ADGRV1: variants seen among roughly 807,000 people sequenced by gnomAD.
ADGRV1 encodes adhesion G protein-coupled receptor V1, also known as G-protein coupled receptor 98.
A neutral mutation model predicts 596.2 loss-of-function variants in ADGRV1; 359 were observed. That is an observed-to-expected ratio of 0.60 (90% CI 0.55 to 0.66). The LOEUF (loss-of-function observed/expected upper bound fraction) is 0.66. Among genes scored for constraint, ADGRV1 ranks in the 30% least tolerant of loss-of-function variants. ADGRV1 has a pLI of 0.00. For synonymous variants in ADGRV1, 2,681 were observed against 2,679.2 expected (o/e 1.00, Z -0.02); for missense variants, 7,274 against 7,575.6 (o/e 0.96, Z 1.48).
chr5:90,659,820 C>T (rs926934902), intron 21 of ADGRV1, among the ~76,000 whole-genome samples: 12 of 152,076 alleles, frequency 7.9e-5, no homozygotes, highest in Non-Finnish European at 1.5e-5. Context: ...ATCATGAGGT[C>T]AGAAGATCGA....
chr5:91,064,389 A>G (rs1285778376), intron 85 of ADGRV1, among the ~76,000 whole-genome samples: 2 of 152,220 alleles, frequency 1.3e-5, no homozygotes, highest in Non-Finnish European at 2.9e-5. Flanking sequence ...CCATATATAC[A>G]TAACAATAAT....
chr5:90,868,532 A>G (rs1768352716), intron 83 of ADGRV1, among the ~76,000 whole-genome samples: 1 of 152,108 alleles, frequency 6.6e-6, no homozygotes, highest in Non-Finnish European at 1.5e-5. Flanking sequence ...TGTTTTGGAC[A>G]TAAAATAAAC....
chr5:90,668,179 C>T (rs1157960845), intron 21 of ADGRV1, among the ~76,000 whole-genome samples: 1 of 151,868 alleles, frequency 6.6e-6, no homozygotes, highest in Non-Finnish European at 1.5e-5. Context: ...CTAAGCAAGC[C>T]TGGGCAATGG....
At chr5:90,939,553 T>C (rs1435161427) in intron 83 of ADGRV1, among the ~76,000 whole-genome samples, 1 of 152,154 alleles carries the variant, frequency 6.6e-6, no homozygotes, top group Non-Finnish European at 1.5e-5. Flanking sequence ...TTACTGTAAA[T>C]AAAATGCTCT....
chr5:91,014,038 GCTCT>G (rs796447035), intron 85 of ADGRV1, among the ~76,000 whole-genome samples: 34 of 151,492 alleles, frequency 2.2e-4, no homozygotes, highest in African/African-American at 7.0e-4. Flanking sequence ...TTATTTCTGG[GCTCT>G]CTATTTTGTT....
In ADGRV1 at chr5:90,795,845, T is replaced by C. The variant is rs552112175; in HGVS notation, c.14517+4499T>C. Reference sequence around the variant, plus strand: ...TGTTCTGCAGCCTCTGCTGGTGATATCCAGGCAAACAGGGTCTGGAGTGGA... The same window carrying C: ...TGTTCTGCAGCCTCTGCTGGTGATACCCAGGCAAACAGGGTCTGGAGTGGA... On this transcript the variant is annotated intron_variant, in intron 70 of 89. Transcript: ENST00000405460. Among the ~76,000 whole-genome samples the C allele has an allele frequency of 1.8e-3, 268 of 152,238 alleles. 1 individual carries two copies. Among genetic ancestry groups the C allele is most frequent in the African/African-American group, 6.2e-3 (256 of 41,558 alleles).
intron 74 of ADGRV1, among the ~76,000 whole-genome samples, chr5:90,813,529 G>A (rs1164988969): frequency 2.0e-5 from 3 of 152,118 alleles, no homozygotes; most frequent in African/African-American, 7.2e-5. Context: ...CAGGCAAATG[G>A]TAACTCAGCT....
intron 5 of ADGRV1, 30 bp downstream of exon 5, chr5:90,622,731 A>C: frequency 1.0e-6 from 1 of 975,120 alleles, no homozygotes; most frequent in South Asian, 2.1e-5. Context: ...ATTTTATTTT[A>C]TTTATTTTTA....
Position 90,558,833 on chromosome 5 carries a change from A to T in ADGRV1, c.-63A>T. 3 of 1,522,352 alleles carry T rather than the reference A, an allele frequency of 2.0e-6. No individual in the cohort carries two copies. The highest frequency in any genetic ancestry group is 2.7e-6 in the Non-Finnish European group (3 of 1,118,826). The allele number at this position is 1,522,352 out of a possible 1,614,324, so 94.3% of individuals were successfully genotyped here. Reference sequence around the variant, plus strand: ...TCAGCAGCGCGGGCAAGGAGTACGGACGGGAGTCAGAGGCAGAGCGAGGGT... The same window carrying T: ...TCAGCAGCGCGGGCAAGGAGTACGGTCGGGAGTCAGAGGCAGAGCGAGGGT... On this transcript the variant is annotated 5_prime_UTR_variant, in exon 1 of 90. Coordinates refer to ENST00000405460, the MANE Select transcript of ADGRV1 (RefSeq NM_032119.4).
intron 34 of ADGRV1, among the ~76,000 whole-genome samples, chr5:90,697,723 A>G (rs545381962): frequency 2.4e-4 from 37 of 152,186 alleles, no homozygotes; most frequent in African/African-American, 8.2e-4. Context: ...ATTTTACATC[A>G]TATGTAGGGT....
rs752108566 is a variant in ADGRV1, at chr5:90,745,230, A to G, written c.10734A>G (p.Leu3578=). ...GAGCTCATTCACATATATATGAGCT[A>G]GCCTACATTTCCAGCCATTCTGACT... The part of the protein sequence containing the change: ...LVGAHSHIYE[L]AYISSHSDFI... The change falls in exon 51 of 90, where the codon CTA becomes CTG. Residue 3578 remains leucine, a synonymous_variant. Coordinates refer to ENST00000405460, the MANE Select transcript of ADGRV1 (RefSeq NM_032119.4). 8 of 1,605,152 alleles carry G rather than the reference A, an allele frequency of 5.0e-6. No individual in the cohort carries two copies. In the South Asian group the frequency reaches 8.9e-5, roughly 18 times the overall value.
At chr5:90,861,337 T>C (rs1396441377) in intron 82 of ADGRV1, among the ~76,000 whole-genome samples, 1 of 151,866 alleles carries the variant, frequency 6.6e-6, no homozygotes, top group Non-Finnish European at 1.5e-5. Context: ...GGAGGCAGAG[T>C]CTTGCTCTGT....
intron 57 of ADGRV1, among the ~76,000 whole-genome samples, chr5:90,758,365 A>C (rs1259362716): frequency 6.6e-6 from 1 of 152,220 alleles, no homozygotes; most frequent in Non-Finnish European, 1.5e-5. Context: ...CCGGAATGCA[A>C]GTCAATGAGA....
chr5:90,612,612 G>A (rs1270513618), intron 1 of ADGRV1, among the ~76,000 whole-genome samples: 1 of 151,976 alleles, frequency 6.6e-6, no homozygotes, highest in South Asian at 2.1e-4. Flanking sequence ...TAGAGATATT[G>A]TAAGGATTAA....
At chr5:90,732,616 C>T (rs1318817151) in intron 50 of ADGRV1, among the ~76,000 whole-genome samples, 6 of 152,176 alleles carry the variant, frequency 3.9e-5, no homozygotes, top group African/African-American at 1.2e-4. Flanking sequence ...CCATTTCTCT[C>T]ACGCCCTGGC....
chr5:91,105,884 T>A (rs1189256259), intron 87 of ADGRV1, among the ~76,000 whole-genome samples: 1 of 151,508 alleles, frequency 6.6e-6, no homozygotes. Flanking sequence ...GGAAAGATTT[T>A]ATAAATAAGA....
rs3041948 is a variant in ADGRV1, at chr5:90,627,917, G to GACACACAC, written c.1238+179_1238+186dup. 15,887 of 229,592 alleles carry GACACACAC rather than the reference G, an allele frequency of 0.069. 652 individuals are homozygous for GACACACAC. Among genetic ancestry groups the GACACACAC allele is most frequent in the East Asian group, 0.088 (1,030 of 11,744 alleles). 14.2% of individuals were successfully genotyped at this position (229,592 alleles called of 1,614,324 possible). On this transcript the variant is annotated intron_variant, in intron 7 of 89. Coordinates refer to ENST00000405460, the MANE Select transcript of ADGRV1 (RefSeq NM_032119.4). ...AAAGTTTCATGACAAACTCAGAAAAGACACACACACACACACACACACACA... is the reference window on the plus strand; with the variant it reads ...AAAGTTTCATGACAAACTCAGAAAAGACACACACACACACACACACACACACACACACA...
chr5:90,712,736 G>A (rs544325371), intron 42 of ADGRV1, among the ~76,000 whole-genome samples: 1 of 152,044 alleles, frequency 6.6e-6, no homozygotes, highest in African/African-American at 2.4e-5. Flanking sequence ...TTTTGTTCTG[G>A]TTTCCTACTT....
chr5:90,707,506 T>G (rs1178574308), intron 38 of ADGRV1, among the ~76,000 whole-genome samples: 2 of 152,200 alleles, frequency 1.3e-5, no homozygotes, highest in Admixed American at 1.3e-4. Flanking sequence ...GTAACTTATT[T>G]TGTTGATTAC....
Sources: allele counts gnomAD v4.1 joint callset (sites outside exome capture counted in the v4.1 genomes callset), GRCh38; gene constraint gnomAD v4.1.1; transcripts MANE v1.5; gene names NCBI Gene and HGNC (gene_info 2026-07-23, HGNC 2026-07-21).